The following HDAC9 variants were observed in gnomAD, a reference collection of about 807,000 sequenced individuals.
The protein encoded by HDAC9 is histone deacetylase 9, also known as MEF-2 interacting transcription repressor (MITR) protein.
HDAC9 carries 41 observed loss-of-function variants against 139.4 expected under a neutral mutation model. The observed-to-expected ratio is 0.29, with a 90% CI of 0.23 to 0.38. The LOEUF (loss-of-function observed/expected upper bound fraction) is 0.38. Ranked by LOEUF, HDAC9 falls within the 10% of genes least tolerant of loss-of-function variation. The probability of loss-of-function intolerance (pLI) is 1.00; values close to 1 mark genes in which losing one functional copy is unlikely to be tolerated. For synonymous variants in HDAC9, 517 were observed against 476.2 expected (o/e 1.09, Z -1.12); for missense variants, 1,147 against 1,297.0 (o/e 0.88, Z 1.78).
intron 7 of HDAC9, 99 bp from the exon 8 acceptor site, chr7:18,634,528 A>G: frequency 1.4e-6 from 1 of 708,624 alleles, no homozygotes; most frequent in Non-Finnish European, 2.4e-6. Flanking sequence ...GCATTTACAT[A>G]GGGGGAAAAT....
At chr7:18,348,277 C>T (rs932800473) in intron 1 of HDAC9, among the ~76,000 whole-genome samples, 13 of 152,210 alleles carry the variant, frequency 8.5e-5, no homozygotes, top group South Asian at 4.2e-4. Flanking sequence ...AGTATAGATT[C>T]GTATGTTCAT....
chr7:18,801,014 C>T (rs75183653), intron 17 of HDAC9, among the ~76,000 whole-genome samples: 2,224 of 152,090 alleles, frequency 0.015, 54 homozygotes, highest in African/African-American at 0.05. Context: ...AAACTAGTAA[C>T]AATTTATAAG....
chr7:18,359,098 G>C (rs1370859324), intron 1 of HDAC9, among the ~76,000 whole-genome samples: 1 of 152,202 alleles, frequency 6.6e-6, no homozygotes, highest in Admixed American at 6.5e-5. Flanking sequence ...GCTCACGCCT[G>C]TAATCCCAGC....
At chr7:18,592,898 G>A (rs1224982327) in intron 5 of HDAC9, among the ~76,000 whole-genome samples, 1 of 152,064 alleles carries the variant, frequency 6.6e-6, no homozygotes, top group Non-Finnish European at 1.5e-5. Flanking sequence ...TCTAAGAAAA[G>A]ATAATAGCAT....
At chr7:18,346,636 T>A (rs1782437202) in intron 1 of HDAC9, among the ~76,000 whole-genome samples, 1 of 152,152 alleles carries the variant, frequency 6.6e-6, no homozygotes, top group Admixed American at 6.6e-5. Context: ...TTTTAGTAAA[T>A]ATACTCTCAG....
At chr7:18,546,585 T>C (rs1460709233) in intron 2 of HDAC9, among the ~76,000 whole-genome samples, 3 of 152,192 alleles carry the variant, frequency 2.0e-5, no homozygotes, top group African/African-American at 7.2e-5. Flanking sequence ...CTTTAACACC[T>C]AGGATGAAGC....
Position 18,648,703 on chromosome 7 carries a change from C to A in HDAC9, c.1467+20C>A, listed in dbSNP as rs1367784828. On this transcript the variant is annotated intron_variant, in intron 11 of 25. Coordinates refer to ENST00000686413, the MANE Select transcript of HDAC9 (RefSeq NM_178425.4). The stretch of plus-strand genomic sequence containing the variant: ...AACAAAGTAAGCCTCCAAGCCAAGT[C>A]AAAATGTTCTAACCGCCAGTTTGGA... 1.4e-5 allele frequency: 22 copies of A among 1,590,834 alleles called. No homozygotes were observed. The highest frequency in any genetic ancestry group is 4.5e-5 in the South Asian group (4 of 89,296).
intron 22 of HDAC9, among the ~76,000 whole-genome samples, chr7:18,922,943 C>G (rs1803889408): frequency 6.6e-6 from 1 of 151,900 alleles, no homozygotes; most frequent in Non-Finnish European, 1.5e-5. Context: ...CTGGGTGTCT[C>G]CTAAGAGAAG....
chr7:18,471,202 C>T (rs982676504), intron 1 of HDAC9, among the ~76,000 whole-genome samples: 10 of 152,114 alleles, frequency 6.6e-5, no homozygotes, highest in East Asian at 5.8e-4. Flanking sequence ...GAACTATAAC[C>T]GGCACAGGGC....
At chr7:18,201,609 C>T (rs1200070908) in intron 2 of HDAC9, among the ~76,000 whole-genome samples, 1 of 152,170 alleles carries the variant, frequency 6.6e-6, no homozygotes, top group African/African-American at 2.4e-5. Context: ...GGCCTCCTGC[C>T]AAGGGAAGGG....
At position 18,998,419 on chromosome 7, in the gene HDAC9, C is replaced by T. The variant is rs1163906037; in HGVS notation, c.*2357C>T. On this transcript the variant is annotated 3_prime_UTR_variant, in exon 26 of 26. Transcript: ENST00000686413. ...TTAATGAGTTAATCACACATACTCC[C>T]ATATGACACCATACCCAATTGGTTG... The T allele has an allele frequency of 3.9e-5, 6 of 152,156 alleles. No homozygotes were observed. The highest frequency in any genetic ancestry group is 8.8e-5 in the Non-Finnish European group (6 of 68,020). 9.4% of individuals were successfully genotyped at this position (152,156 alleles called of 1,614,324 possible). A position where few individuals can be genotyped will look rare whatever the true frequency, so the allele number is the denominator to read the frequency against.
chr7:18,600,240 T>A (rs905584068), intron 6 of HDAC9, among the ~76,000 whole-genome samples: 2 of 152,210 alleles, frequency 1.3e-5, no homozygotes, highest in Admixed American at 1.3e-4. Context: ...TTTTCCTCAA[T>A]CAGTGGTTTA....
chr7:18,727,619 C>T lies in HDAC9; in HGVS notation c.1771C>T (p.Arg591Cys), dbSNP rs1785657466. The change falls in exon 13 of 26, where the codon CGC becomes TGC. Residue 591 changes from arginine to cysteine, a missense_variant. By Grantham distance (180) the Arg-to-Cys change is radical (BLOSUM62 -3). Around this residue, in one of 7 missense-constraint regions of HDAC9, gnomAD observed 256 missense variants for 219.2 expected, o/e 1.17. Transcript: ENST00000686413. ...CACGCACACACGTGCGCTCTCTGTG[C>T]GCCAAGCTCCGCTGGCTGCGGTTGG... ...EPTHTRALSV[R>C]QAPLAAVGMD... The T allele has an allele frequency of 6.3e-7, 1 of 1,588,040 alleles. No individual in the cohort carries two copies. The highest frequency in any genetic ancestry group is 8.5e-7 in the Non-Finnish European group (1 of 1,170,818).
intron 6 of HDAC9, among the ~76,000 whole-genome samples, chr7:18,597,867 C>A (rs906205460): frequency 6.6e-6 from 1 of 152,030 alleles, no homozygotes; most frequent in African/African-American, 2.4e-5. Flanking sequence ...TTTTCCAGCC[C>A]CACTGAAATA....
intron 6 of HDAC9, among the ~76,000 whole-genome samples, chr7:18,618,888 G>A (rs951655918): frequency 6.0e-5 from 9 of 151,242 alleles, no homozygotes; most frequent in African/African-American, 2.2e-4. Flanking sequence ...CCCCAAAGTA[G>A]CATGTTATTT....
intron 2 of HDAC9, among the ~76,000 whole-genome samples, chr7:18,190,916 A>G (rs1380924387): frequency 6.6e-6 from 1 of 152,178 alleles, no homozygotes; most frequent in Non-Finnish European, 1.5e-5. Context: ...TATTTATCTC[A>G]TGGATTTCAC....
intron 1 of HDAC9, among the ~76,000 whole-genome samples, chr7:18,315,642 A>G (rs1350915457): frequency 6.6e-6 from 1 of 152,250 alleles, no homozygotes; most frequent in East Asian, 1.9e-4. Flanking sequence ...ACAGCACTAC[A>G]TAATTTAAGT....
intron 12 of HDAC9, among the ~76,000 whole-genome samples, chr7:18,721,222 A>G (rs1019700159): frequency 1.3e-5 from 2 of 152,192 alleles, no homozygotes; most frequent in African/African-American, 4.8e-5. Context: ...CTTAAGAAAT[A>G]AAACACTACA....
In HDAC9 at chr7:18,180,265, A is replaced by ACCCCCCCC. The variant is rs1554322994; in HGVS notation, c.25+17917_25+17918insCCCCCCCC. ...CACACACACACACACACACACACACACACACACACCACATTCTTAACCTAT... is the reference window on the plus strand; with the variant it reads ...CACACACACACACACACACACACACACCCCCCCCCACACACACCACATTCTTAACCTAT... On this transcript the variant is annotated intron_variant, in intron 2 of 12. Coordinates refer to the HDAC9 transcript ENST00000417496. Among the ~76,000 whole-genome samples, 50 of 151,328 alleles carry ACCCCCCCC rather than the reference A, an allele frequency of 3.3e-4. 2 individuals carry two copies. The highest frequency in any genetic ancestry group is 6.6e-4 in the Non-Finnish European group (45 of 67,794).
Sources: allele counts gnomAD v4.1 joint callset (sites outside exome capture counted in the v4.1 genomes callset), GRCh38; gene constraint gnomAD v4.1.1; regional missense constraint gnomAD v4.1.1; transcripts MANE v1.5; gene names NCBI Gene and HGNC (gene_info 2026-07-23, HGNC 2026-07-21).